The following DOCK3 variants were observed in gnomAD, a reference collection of about 807,000 sequenced individuals.
The protein encoded by DOCK3 is dedicator of cytokinesis protein 3.
In DOCK3, 60 loss-of-function variants were observed where a neutral mutation model predicts 265.6. The ratio of observed to expected loss-of-function variants is 0.23; its 90% confidence interval spans 0.18 to 0.28. The LOEUF (loss-of-function observed/expected upper bound fraction) is 0.28. DOCK3 is among the 10% of genes least tolerant of loss of function. The pLI, the probability that DOCK3 is intolerant of heterozygous loss-of-function variation, is 1.00. For synonymous variants in DOCK3, 881 were observed against 938.0 expected (o/e 0.94, Z 1.11); for missense variants, 1,981 against 2,594.3 (o/e 0.76, Z 5.14).
At position 51,260,224 on chromosome 3, in the gene DOCK3, G is replaced by A; in HGVS notation, c.2253G>A (p.Met751Ile). Residue 751 changes from methionine (M) to isoleucine (I), a missense_variant, in exon 23 of 53, where the codon ATG (methionine) becomes ATA (isoleucine). By Grantham distance (10) the Met-to-Ile change is conservative. Coordinates refer to ENST00000266037, the MANE Select transcript of DOCK3 (RefSeq NM_004947.5). ...TGTACTCACGAGCCACTTGTGGAAT[G>A]GAAGAGGAACAATTCAGATCCAGTA... ...RILYSRATCG[M>I]EEEQFRSSIQ... 6.2e-7 allele frequency: 1 copy of A among 1,613,902 alleles called. No homozygotes were observed. Among genetic ancestry groups the A allele is most frequent in the Non-Finnish European group, 8.5e-7 (1 of 1,179,848 alleles).
intron 5 of DOCK3, among the ~76,000 whole-genome samples, chr3:51,014,985 T>C (rs1393706043): frequency 6.6e-6 from 1 of 152,182 alleles, no homozygotes; most frequent in Non-Finnish European, 1.5e-5. Flanking sequence ...CATAACTTGA[T>C]TCAGTATCCT....
At chr3:50,998,804 A>G (rs1170317794) in intron 5 of DOCK3, among the ~76,000 whole-genome samples, 3 of 152,316 alleles carry the variant, frequency 2.0e-5, no homozygotes, top group Admixed American at 2.0e-4. Context: ...TATTTTATCC[A>G]TGGAAAACTG....
At position 51,281,372 on chromosome 3, in the gene DOCK3, A is replaced by G. The variant is rs538130030; in HGVS notation, c.2922+1168A>G. 2.0e-5 allele frequency among the ~76,000 whole-genome samples: 3 copies of G among 150,950 alleles called. No homozygotes were observed. In the East Asian group the frequency reaches 5.8e-4, roughly 29 times the overall value. On this transcript the variant is annotated intron_variant, in intron 27 of 52. Transcript: ENST00000266037. ...TGCATTCAAAGCCATCCTGGGCTGCATATGGCCCATGGGCCGTGGGTTAGA... is the reference window on the plus strand; with the variant it reads ...TGCATTCAAAGCCATCCTGGGCTGCGTATGGCCCATGGGCCGTGGGTTAGA...
chr3:51,142,134 C>T (rs1261926992), intron 9 of DOCK3, among the ~76,000 whole-genome samples: 1 of 152,148 alleles, frequency 6.6e-6, no homozygotes, highest in Non-Finnish European at 1.5e-5. Flanking sequence ...CAGTGATTTT[C>T]CTTTGCCAGT....
chr3:51,175,442 G>A (rs2086891502), intron 12 of DOCK3, among the ~76,000 whole-genome samples: 1 of 152,194 alleles, frequency 6.6e-6, no homozygotes, highest in Non-Finnish European at 1.5e-5. Context: ...TCTGCCTCCA[G>A]AGACACAGAT....
intron 12 of DOCK3, among the ~76,000 whole-genome samples, chr3:51,201,069 C>T (rs2088725607): frequency 1.3e-5 from 2 of 151,882 alleles, no homozygotes; most frequent in African/African-American, 4.8e-5. Flanking sequence ...GCTGCAAAAT[C>T]ATGCCAAAAT....
intron 1 of DOCK3, among the ~76,000 whole-genome samples, chr3:50,724,046 C>T (rs1412761473): frequency 6.6e-6 from 1 of 152,156 alleles, no homozygotes; most frequent in East Asian, 1.9e-4. Flanking sequence ...TATGAAAAGA[C>T]ACTTCTCAAA....
At chr3:50,717,714 C>T (rs1260552355) in intron 1 of DOCK3, among the ~76,000 whole-genome samples, 1 of 152,164 alleles carries the variant, frequency 6.6e-6, no homozygotes, top group African/African-American at 2.4e-5. Context: ...CCTCCACCTC[C>T]CTGGTTCAAG....
At chr3:50,716,571 T>TTG (rs1305137515) in intron 1 of DOCK3, among the ~76,000 whole-genome samples, 2 of 150,776 alleles carry the variant, frequency 1.3e-5, no homozygotes, top group Non-Finnish European at 1.5e-5. Context: ...TTAAAAAAAA[T>TTG]TATATATATA....
intron 3 of DOCK3, among the ~76,000 whole-genome samples, chr3:50,881,530 G>A (rs368193079): frequency 1.1e-4 from 16 of 152,182 alleles, no homozygotes; most frequent in South Asian, 4.1e-4. Context: ...TTCAAAGAGA[G>A]TAAAATACCT....
intron 12 of DOCK3, among the ~76,000 whole-genome samples, chr3:51,166,559 C>T (rs1269144544): frequency 6.6e-6 from 1 of 152,220 alleles, no homozygotes; most frequent in Non-Finnish European, 1.5e-5. Context: ...ATAATGGCTG[C>T]ACCAATTTAC....
intron 2 of DOCK3, among the ~76,000 whole-genome samples, chr3:50,805,817 G>A (rs189070237): frequency 1.4e-4 from 21 of 152,260 alleles, no homozygotes; most frequent in Middle Eastern, 3.4e-3. Context: ...TGGTTTACTG[G>A]GTTTCTCTGG....
chr3:51,361,691 C>G lies in DOCK3; in HGVS notation c.5007-168C>G, dbSNP rs575665027. ...CCAAGGGCTCCTGAGTAGCAGGGTA[C>G]AGCTCAGGACTGCTCCAGGCCTCAG... On this transcript the variant is annotated intron_variant, in intron 47 of 52. Transcript: ENST00000266037. This position sits in a 1 kb window ranked among gnomAD's most constrained non-coding sequence, Gnocchi z 4.2. 2.4e-4 allele frequency among the ~76,000 whole-genome samples: 37 copies of G among 152,282 alleles called. No individual in the cohort carries two copies. The highest frequency in any genetic ancestry group is 3.4e-3 in the Middle Eastern group (1 of 294).
chr3:51,088,843 A>T (rs2082527570), intron 7 of DOCK3, among the ~76,000 whole-genome samples: 1 of 152,166 alleles, frequency 6.6e-6, no homozygotes, highest in South Asian at 2.1e-4. Flanking sequence ...AGTGTTTGGG[A>T]GGGAGCCCTT....
At chr3:51,280,868 C>T (rs1365969362) in intron 27 of DOCK3, among the ~76,000 whole-genome samples, 1 of 152,144 alleles carries the variant, frequency 6.6e-6, no homozygotes, top group East Asian at 1.9e-4. Flanking sequence ...CAGCCTGACT[C>T]GTGTCCAGTC....
At chr3:51,156,140 C>T (rs966159050) in intron 10 of DOCK3, among the ~76,000 whole-genome samples, 21 of 152,192 alleles carry the variant, frequency 1.4e-4, no homozygotes, top group African/African-American at 4.8e-4. Context: ...CTGCAACTTA[C>T]GTATGAATAA....
chr3:51,327,536 T>C (rs1167383932), intron 32 of DOCK3, among the ~76,000 whole-genome samples: 1 of 152,176 alleles, frequency 6.6e-6, no homozygotes, highest in African/African-American at 2.4e-5. Context: ...ATTATTTTGT[T>C]TGACTTACAG....
chr3:51,357,181 G>C (rs752018634), intron 44 of DOCK3, 40 bp downstream of exon 44: 6 of 1,582,384 alleles, frequency 3.8e-6, no homozygotes, highest in East Asian at 2.3e-5. Context: ...CAGCCAGCCT[G>C]GCCAGGAAGG....
intron 31 of DOCK3, 117 bp downstream of exon 31, chr3:51,313,019 A>G: frequency 1.0e-6 from 1 of 954,760 alleles, no homozygotes; most frequent in Non-Finnish European, 1.6e-6. Context: ...AGAGATCCTT[A>G]CATATCTTTC....
Sources: gnomAD v4.1 joint callset for allele counts (sites outside exome capture counted in the v4.1 genomes callset) on GRCh38, gnomAD v4.1.1 for gene constraint, Gnocchi (gnomAD v3.1) non-coding constraint, MANE v1.5 for transcripts, NCBI Gene and HGNC (gene_info 2026-07-23, HGNC 2026-07-21) for gene names.